Variants in LYPLAL1 observed in about 807,000 individuals in gnomAD.
LYPLAL1 encodes the protein lysophospholipase like 1.
In LYPLAL1, 23 loss-of-function variants were observed where a neutral mutation model predicts 19.7. That is an observed-to-expected ratio of 1.17 (90% CI 0.84 to 1.65). The LOEUF is 1.65. LYPLAL1 is among the 40% of genes most tolerant of loss of function. The pLI is 0.00. For missense variants in LYPLAL1, 355 were observed against 279.4 expected (o/e 1.27, Z -1.93); for synonymous variants, 119 against 96.3 (o/e 1.24, Z -1.38).
the LYPLAL1 span, among the ~76,000 whole-genome samples, chr1:219,284,090 G>A: frequency 1.3e-5 from 2 of 152,100 alleles, no homozygotes; most frequent in Non-Finnish European, 2.9e-5. Flanking sequence ...ATTTTGTAAG[G>A]CAGTTCTCCC....
the LYPLAL1 span, among the ~76,000 whole-genome samples, chr1:219,235,457 T>C: frequency 5.9e-5 from 9 of 152,226 alleles, no homozygotes; most frequent in Non-Finnish European, 1.2e-4. Flanking sequence ...TGGATCAATG[T>C]GGAAGAATAG....
the LYPLAL1 span, among the ~76,000 whole-genome samples, chr1:219,335,891 G>A: frequency 2.0e-5 from 3 of 151,612 alleles, no homozygotes; most frequent in Non-Finnish European, 2.9e-5. Context: ...AAAAATATTT[G>A]AGCAGGGGCA....
chr1:219,398,934 G>A, the LYPLAL1 span, among the ~76,000 whole-genome samples: 7 of 152,326 alleles, frequency 4.6e-5, no homozygotes, highest in South Asian at 1.2e-3. Flanking sequence ...TGAGTGGCCT[G>A]AGGTGCTCCC....
Position 219,197,218 on chromosome 1 carries a change from A to G in LYPLAL1, c.361+3967A>G, listed in dbSNP as rs138919751. ...AAAGGTGGAGGCATCATGCTACCCA[A>G]CTTCAAACTATACTACAAGGCTACA... On this transcript the variant is annotated intron_variant, in intron 3 of 4. Coordinates refer to ENST00000366928, the MANE Select transcript of LYPLAL1 (RefSeq NM_138794.5). 2.2e-3 allele frequency among the ~76,000 whole-genome samples: 335 copies of G among 152,318 alleles called. 13 individuals are homozygous for G. The East Asian group carries it at 0.059, about 27-fold the overall frequency.
At chr1:219,190,207 T>G (rs1657042487) in intron 2 of LYPLAL1, among the ~76,000 whole-genome samples, 1 of 151,492 alleles carries the variant, frequency 6.6e-6, no homozygotes. Context: ...TCTAGATGTA[T>G]TAGAGGGAAG....
chr1:219,439,942 TAAG>T, the LYPLAL1 span, among the ~76,000 whole-genome samples: 2 of 145,834 alleles, frequency 1.4e-5, no homozygotes, highest in South Asian at 2.1e-4. Flanking sequence ...TTAATTGTCT[TAAG>T]AAGACAAAAC....
the LYPLAL1 span, among the ~76,000 whole-genome samples, chr1:219,327,271 T>C: frequency 6.6e-6 from 1 of 152,134 alleles, no homozygotes; most frequent in Admixed American, 6.5e-5. Context: ...AGAAAAGCTT[T>C]AGCCACCCCC....
the LYPLAL1 span, among the ~76,000 whole-genome samples, chr1:219,398,443 C>A: frequency 2.0e-5 from 3 of 152,202 alleles, no homozygotes; most frequent in Non-Finnish European, 4.4e-5. Context: ...CTTTGTCTGT[C>A]AGCTCCCGCA....
intron 2 of LYPLAL1, among the ~76,000 whole-genome samples, chr1:219,183,458 TTGTA>T (rs1484836454): frequency 2.0e-5 from 3 of 152,026 alleles, no homozygotes; most frequent in African/African-American, 4.8e-5. Flanking sequence ...AATACAGAAA[TTGTA>T]TGTGCATAGT....
At chr1:219,305,011 G>GGAC in the LYPLAL1 span, among the ~76,000 whole-genome samples, 1 of 152,320 alleles carries the variant, frequency 6.6e-6, no homozygotes, top group East Asian at 1.9e-4. Context: ...TTGCACAGGA[G>GGAC]GACGTCAGCC....
chr1:219,175,512 C>A (rs543199805), intron 1 of LYPLAL1, among the ~76,000 whole-genome samples: 1 of 152,108 alleles, frequency 6.6e-6, no homozygotes. Context: ...TTCCCCTGGA[C>A]CTCTTTGCTT....
At chr1:219,266,096 A>G in the LYPLAL1 span, among the ~76,000 whole-genome samples, 1 of 152,146 alleles carries the variant, frequency 6.6e-6, no homozygotes, top group African/African-American at 2.4e-5. Flanking sequence ...TTCTTCAATA[A>G]TAAATTAAAC....
the LYPLAL1 span, among the ~76,000 whole-genome samples, chr1:219,276,413 G>A: frequency 2.6e-5 from 4 of 152,058 alleles, no homozygotes; most frequent in Non-Finnish European, 5.9e-5. Flanking sequence ...ATTTACAGTG[G>A]ACTCTTTCAA....
chr1:219,266,726 T>C, the LYPLAL1 span, among the ~76,000 whole-genome samples: 1 of 152,186 alleles, frequency 6.6e-6, no homozygotes, highest in Non-Finnish European at 1.5e-5. Context: ...AATGTTATAA[T>C]GGCTGAGTCA....
chr1:219,193,042 T>C (rs1657304438), intron 2 of LYPLAL1, 40 bp from the exon 3 acceptor site: 4 of 1,444,684 alleles, frequency 2.8e-6, no homozygotes, highest in Non-Finnish European at 3.7e-6. Flanking sequence ...ATATTCCCTT[T>C]TCCTTTCTTT....
At chr1:219,444,815 C>T in the LYPLAL1 span, among the ~76,000 whole-genome samples, 1 of 152,200 alleles carries the variant, frequency 6.6e-6, no homozygotes, top group African/African-American at 2.4e-5. Context: ...CAGAATTTTA[C>T]TTTCCAACAA....
At chr1:219,317,767 G>T in the LYPLAL1 span, among the ~76,000 whole-genome samples, 1 of 152,176 alleles carries the variant, frequency 6.6e-6, no homozygotes, top group Non-Finnish European at 1.5e-5. Flanking sequence ...TGCAGCAGTT[G>T]TCGTCTCAGA....
the LYPLAL1 span, among the ~76,000 whole-genome samples, chr1:219,346,200 A>C: frequency 6.6e-6 from 1 of 152,194 alleles, no homozygotes; most frequent in African/African-American, 2.4e-5. Flanking sequence ...CTGTATCTCT[A>C]ACTGACTAAA....
At chr1:219,292,182 G>A in the LYPLAL1 span, among the ~76,000 whole-genome samples, 9 of 152,056 alleles carry the variant, frequency 5.9e-5, no homozygotes, top group Non-Finnish European at 1.0e-4. Flanking sequence ...CTCAGCTGAC[G>A]GGACAGGTGG....
Sources: gnomAD v4.1 joint callset for allele counts (sites outside exome capture counted in the v4.1 genomes callset) on GRCh38, gnomAD v4.1.1 for gene constraint, MANE v1.5 for transcripts, NCBI Gene and HGNC (gene_info 2026-07-23, HGNC 2026-07-21) for gene names.